Variants in TACR1 observed in about 807,000 individuals in gnomAD.
TACR1 encodes the protein substance-P receptor.
In TACR1, 25 loss-of-function variants were observed where a neutral mutation model predicts 35.8. That is an observed-to-expected ratio of 0.70 (90% confidence interval 0.51 to 0.98). The LOEUF is 0.98. Among genes scored for constraint, TACR1 ranks in the 50% least tolerant of loss-of-function variants. TACR1 has a pLI of 0.00. For synonymous variants in TACR1, 195 were observed against 206.7 expected (o/e 0.94, Z 0.48); for missense variants, 478 against 522.9 (o/e 0.91, Z 0.84).
intron 1 of TACR1, among the ~76,000 whole-genome samples, chr2:75,161,632 A>G (rs1675011991): frequency 6.6e-6 from 1 of 152,170 alleles, no homozygotes; most frequent in South Asian, 2.1e-4. Flanking sequence ...TCCATATAGT[A>G]AAGGAGGTAT....
At chr2:75,150,963 G>T (rs1454766744) in intron 1 of TACR1, among the ~76,000 whole-genome samples, 1 of 152,210 alleles carries the variant, frequency 6.6e-6, no homozygotes, top group Non-Finnish European at 1.5e-5. Context: ...AAAGAGATTG[G>T]TGGCATTTTG....
At chr2:75,138,619 T>G (rs1370309402) in intron 1 of TACR1, among the ~76,000 whole-genome samples, 2 of 152,160 alleles carry the variant, frequency 1.3e-5, no homozygotes, top group African/African-American at 4.8e-5. Flanking sequence ...TGGTATGTTA[T>G]TACATACCAT....
intron 1 of TACR1, among the ~76,000 whole-genome samples, chr2:75,132,556 T>G (rs1471821905): frequency 2.0e-5 from 3 of 152,236 alleles, no homozygotes; most frequent in African/African-American, 7.2e-5. Flanking sequence ...TAATTTATAT[T>G]TAGTGTCTCT....
At chr2:75,175,801 A>T (rs1359844650) in intron 1 of TACR1, among the ~76,000 whole-genome samples, 1 of 152,174 alleles carries the variant, frequency 6.6e-6, no homozygotes, top group African/African-American at 2.4e-5. Flanking sequence ...CATTCTAGGG[A>T]TTACAATGTA....
intron 1 of TACR1, among the ~76,000 whole-genome samples, chr2:75,122,800 T>G (rs995745996): frequency 1.3e-5 from 2 of 152,196 alleles, no homozygotes; most frequent in Admixed American, 6.5e-5. Context: ...TTGTCTGTTT[T>G]CTTTAGGTTA....
chr2:75,078,613 A>C (rs1260175036), intron 2 of TACR1, among the ~76,000 whole-genome samples: 1 of 151,974 alleles, frequency 6.6e-6, no homozygotes, highest in Non-Finnish European at 1.5e-5. Flanking sequence ...ACCTGAACCT[A>C]CTCCAGTCAC....
chr2:75,196,911 A>G lies in TACR1; in HGVS notation c.389+1635T>C, dbSNP rs567502602. Among the ~76,000 whole-genome samples, 3 of 152,332 alleles carry G rather than the reference A, an allele frequency of 2.0e-5. No individual in the cohort carries two copies. In the East Asian group the frequency reaches 5.8e-4, roughly 29 times the overall value. On this transcript the variant is annotated intron_variant, in intron 1 of 4. Transcript: ENST00000305249. The stretch of plus-strand genomic sequence containing the variant: ...AGAGTGTTTGTAAGGCTGAACTGGC[A>G]TCAGGTTTCACTACCCTGATATTCA...
chr2:75,085,718 T>C (rs930548867), intron 2 of TACR1, among the ~76,000 whole-genome samples: 4 of 151,534 alleles, frequency 2.6e-5, no homozygotes, highest in Non-Finnish European at 4.4e-5. Context: ...CTGGCTGGAG[T>C]CAGTCACTTT....
intron 1 of TACR1, chr2:75,186,810 G>A (rs1329076212): frequency 6.6e-6 from 1 of 151,986 alleles, no homozygotes; most frequent in Non-Finnish European, 1.5e-5. Flanking sequence ...GTTTTCATCT[G>A]TTTCATCTCC....
Position 75,051,597 on chromosome 2 carries a change from T to C in TACR1, c.736-150A>G, listed in dbSNP as rs945398799. Reference sequence around the variant, plus strand: ...CCCTTCAAGGAGGAGAAAGGATCTTTACTATATGGTGCTACAAGACTTCGG... The same window carrying C: ...CCCTTCAAGGAGGAGAAAGGATCTTCACTATATGGTGCTACAAGACTTCGG... On this transcript the variant is annotated intron_variant, in intron 3 of 4. Coordinates refer to ENST00000305249, the MANE Select transcript of TACR1 (RefSeq NM_001058.4). 1.3e-5 allele frequency: 19 copies of C among 1,463,494 alleles called. No homozygotes were observed. The African/African-American group carries it at 2.0e-4, about 15-fold the overall frequency. 90.7% of individuals were successfully genotyped at this position (1,463,494 alleles called of 1,614,324 possible). A position where few individuals can be genotyped will look rare whatever the true frequency, so the allele number is the denominator to read the frequency against.
chr2:75,142,220 C>T (rs894818142), intron 1 of TACR1, among the ~76,000 whole-genome samples: 1 of 152,140 alleles, frequency 6.6e-6, no homozygotes, highest in Non-Finnish European at 1.5e-5. Context: ...TTTAAGGTGT[C>T]GGCTCACACT....
At chr2:75,097,584 C>T (rs1445016617) in intron 2 of TACR1, among the ~76,000 whole-genome samples, 1 of 152,140 alleles carries the variant, frequency 6.6e-6, no homozygotes. Flanking sequence ...ACAGAAGAGT[C>T]ATCACAGAAG....
chr2:75,130,963 A>G (rs1468863688), intron 1 of TACR1, among the ~76,000 whole-genome samples: 1 of 152,226 alleles, frequency 6.6e-6, no homozygotes, highest in African/African-American at 2.4e-5. Context: ...AAGGTCGAGT[A>G]ATAGCTATTA....
chr2:75,104,839 C>T (rs562063656), intron 2 of TACR1, among the ~76,000 whole-genome samples: 1 of 152,178 alleles, frequency 6.6e-6, no homozygotes, highest in South Asian at 2.1e-4. Context: ...AATGAGCTAT[C>T]AGCTCAGAAC....
At position 75,091,262 on chromosome 2, in the gene TACR1, C is replaced by G. The variant is rs529332701; in HGVS notation, c.584+29312G>C. Among the ~76,000 whole-genome samples the G allele has an allele frequency of 3.5e-5, 5 of 142,110 alleles. No homozygotes were observed. The East Asian group carries it at 9.3e-4, about 26-fold the overall frequency. The allele number at this position is 142,110 out of a possible 152,430, so 93.2% of individuals were successfully genotyped here. ...ATTTCCGCTCCTAACTCTACCATAA[C>G]TCATGGTGAACTCGGGAAATTACTC... On this transcript the variant is annotated intron_variant, in intron 2 of 4. Transcript: ENST00000305249.
intron 1 of TACR1, among the ~76,000 whole-genome samples, chr2:75,154,002 C>A (rs758075107): frequency 2.0e-5 from 3 of 152,134 alleles, no homozygotes; most frequent in Non-Finnish European, 4.4e-5. Flanking sequence ...AGGAAACTGG[C>A]CTCACTATAG....
At chr2:75,128,413 A>G (rs536081399) in intron 1 of TACR1, among the ~76,000 whole-genome samples, 66 of 152,350 alleles carry the variant, frequency 4.3e-4, no homozygotes, top group African/African-American at 1.5e-3. Context: ...TACCATAAAA[A>G]TACGTATCAC....
rs200225041 is a variant in TACR1 at position 75,053,629 on chromosome 2, G to T, written c.711C>A (p.His237Gln). Residue 237 changes from histidine (H) to glutamine (Q), a missense_variant, in exon 3 of 5, where the codon CAC (histidine) becomes CAA (glutamine). Physicochemically the swap from His to Gln is conservative, Grantham distance 24. Transcript: ENST00000305249. The part of the protein sequence containing the change: ...EIPGDSSDRY[H>Q]EQVSAKRKVV... The stretch of plus-strand genomic sequence containing the variant: ...CCTTGCGCTTGGCAGAGACTTGCTC[G>T]TGGTAGCGGTCAGAGGAGTCCCCGG... The T allele has an allele frequency of 1.9e-6, 3 of 1,564,848 alleles. No homozygotes were observed. The highest frequency in any genetic ancestry group is 1.4e-5 in the African/African-American group (1 of 73,174).
chr2:75,180,594 T>C (rs1279714898), intron 1 of TACR1, among the ~76,000 whole-genome samples: 2 of 152,210 alleles, frequency 1.3e-5, no homozygotes, highest in Non-Finnish European at 2.9e-5. Context: ...TCTGATAGGA[T>C]AACCATGACA....
Sources: gnomAD v4.1 joint callset for allele counts (sites outside exome capture counted in the v4.1 genomes callset) on GRCh38, gnomAD v4.1.1 for gene constraint, MANE v1.5 for transcripts, NCBI Gene and HGNC (gene_info 2026-07-23, HGNC 2026-07-21) for gene names.